The following MAOA variants were observed in gnomAD, a reference collection of about 807,000 sequenced individuals.
MAOA encodes the protein monoamine oxidase A, also known as amine oxidase [flavin-containing] A.
In MAOA, 6 loss-of-function variants were observed where a neutral mutation model predicts 42.0. The ratio of observed to expected loss-of-function variants is 0.14; its 90% CI spans 0.08 to 0.28. MAOA has a LOEUF of 0.28. Among genes scored for constraint, MAOA ranks in the 10% least tolerant of loss-of-function variants. The pLI is 1.00. For synonymous variants in MAOA, 140 were observed against 154.0 expected, an observed-to-expected ratio of 0.91 and a Z score of 0.67; for missense variants, 262 against 422.3, an observed-to-expected ratio of 0.62 and a Z score of 3.33.
chrX:43,727,008 C>T (rs748236523), intron 5 of MAOA, among the ~76,000 whole-genome samples: 8 of 111,941 alleles, frequency 7.1e-5, no homozygotes, highest in African/African-American at 2.6e-4. Context: ...GCAGAGGCTA[C>T]AGAACAGCAA....
chrX:43,710,433 C>T (rs2033691266), intron 3 of MAOA, among the ~76,000 whole-genome samples: 1 of 112,475 alleles, frequency 8.9e-6, no homozygotes, highest in Non-Finnish European at 1.9e-5. Context: ...TGTGCTTACA[C>T]GTGTTTGTGA....
chrX:43,744,317 C>T (rs1388395681), intron 14 of MAOA, 50 bp from the exon 15 acceptor site: 8 of 1,199,593 alleles, frequency 6.7e-6, no homozygotes, highest in African/African-American at 1.7e-5. Context: ...TGTTTTGTTC[C>T]TCCTTGTCAG....
chrX:43,680,140 A>T (rs2033431411), intron 1 of MAOA, among the ~76,000 whole-genome samples: 1 of 112,034 alleles, frequency 8.9e-6, no homozygotes, highest in African/African-American at 3.2e-5. Flanking sequence ...GCACACAAAC[A>T]TTAGCAGATA....
At chrX:43,742,471 A>C (rs1321938856) in intron 12 of MAOA, among the ~76,000 whole-genome samples, 2 of 112,773 alleles carry the variant, frequency 1.8e-5, no homozygotes, top group African/African-American at 3.2e-5. Context: ...CTTCAGGGGA[A>C]GAGTCCTCAC....
At chrX:43,667,176 G>C (rs2033289556) in intron 1 of MAOA, among the ~76,000 whole-genome samples, 1 of 111,044 alleles carries the variant, frequency 9.0e-6, no homozygotes, top group Non-Finnish European at 1.9e-5. Context: ...TCACCTCTCA[G>C]ATGCATTCAC....
At chrX:43,685,328 A>G (rs2033479963) in intron 2 of MAOA, among the ~76,000 whole-genome samples, 1 of 111,942 alleles carries the variant, frequency 8.9e-6, no homozygotes, top group Non-Finnish European at 1.9e-5. Flanking sequence ...TCCTTCGCCA[A>G]AAGACCCCAG....
chrX:43,723,890 G>A (rs1024175034), intron 5 of MAOA, among the ~76,000 whole-genome samples: 3 of 111,699 alleles, frequency 2.7e-5, no homozygotes, highest in African/African-American at 9.8e-5. Flanking sequence ...TTAGCATGAA[G>A]GGCTGTTGAA....
chrX:43,682,372 A>G lies in MAOA; in HGVS notation c.74-1141A>G, dbSNP rs7892282. Reference sequence around the variant, plus strand: ...AGTCGGGAGCATTGTGTAGTACTAGAAAGGAAGGAAGTGTTTAAACACACA... The same window carrying G: ...AGTCGGGAGCATTGTGTAGTACTAGGAAGGAAGGAAGTGTTTAAACACACA... On this transcript the variant is annotated intron_variant, in intron 1 of 14. Coordinates refer to ENST00000338702, the MANE Select transcript of MAOA (RefSeq NM_000240.4). 1.0e-2 allele frequency among the ~76,000 whole-genome samples: 1,108 copies of G among 111,288 alleles called. 16 individuals are homozygous for G. The highest frequency in any genetic ancestry group is 0.033 in the African/African-American group (1,021 of 30,548).
rs768809422 is a variant in MAOA at position 43,717,068 on chromosome X, G to T, written c.503+4272G>T. On this transcript the variant is annotated intron_variant, in intron 5 of 14. Transcript: ENST00000338702. Reference sequence around the variant, plus strand: ...GGTATTTTCCAGGTATGACCCACAAGGTTGGGAGAGTAAGAAAGATGAGTG... The same window carrying T: ...GGTATTTTCCAGGTATGACCCACAATGTTGGGAGAGTAAGAAAGATGAGTG... Among the ~76,000 whole-genome samples the T allele has an allele frequency of 1.0e-3, 114 of 110,634 alleles. 1 individual carries two copies. The highest frequency in any genetic ancestry group is 3.7e-3 in the African/African-American group (111 of 30,349).
intron 1 of MAOA, among the ~76,000 whole-genome samples, chrX:43,672,107 CTT>C (rs2033342264): frequency 9.0e-6 from 1 of 111,569 alleles, no homozygotes; most frequent in Non-Finnish European, 1.9e-5. Context: ...TTTGTATCCT[CTT>C]TTATTTCATT....
At chrX:43,706,650 T>A (rs770897069) in intron 3 of MAOA, among the ~76,000 whole-genome samples, 2 of 109,516 alleles carry the variant, frequency 1.8e-5, no homozygotes, top group African/African-American at 6.7e-5. Context: ...AATAAATAAA[T>A]AAAAATACAA....
At chrX:43,700,407 G>T in intron 3 of MAOA, among the ~76,000 whole-genome samples, 1 of 112,290 alleles carries the variant, frequency 8.9e-6, no homozygotes. Flanking sequence ...TGGAAACAGG[G>T]ACTCCTGTGG....
At chrX:43,699,716 A>G (rs2033608218) in intron 3 of MAOA, among the ~76,000 whole-genome samples, 2 of 110,259 alleles carry the variant, frequency 1.8e-5, no homozygotes, top group African/African-American at 3.3e-5. Flanking sequence ...TATGCCAACG[A>G]CTGAAATCAA....
chrX:43,699,745 A>G (rs1326313027), intron 3 of MAOA, among the ~76,000 whole-genome samples: 5 of 110,516 alleles, frequency 4.5e-5, no homozygotes, highest in African/African-American at 1.3e-4. Flanking sequence ...CACAATGTGT[A>G]TGTTCTGGAA....
chrX:43,664,914 CAGTTATGTA>C (rs1487666672), intron 1 of MAOA, among the ~76,000 whole-genome samples: 1 of 111,539 alleles, frequency 9.0e-6, no homozygotes, highest in Non-Finnish European at 1.9e-5. Context: ...TCCAAATGTG[CAGTTATGTA>C]AGAATTCTTT....
In MAOA at chrX:43,744,734, A is replaced by G. The variant is rs1045257892; in HGVS notation, c.*221A>G. The G allele has an allele frequency of 6.0e-5, 25 of 415,883 alleles. No individual in the cohort carries two copies. Among genetic ancestry groups the G allele is most frequent in the African/African-American group, 5.5e-4 (20 of 36,337 alleles). 34.3% of individuals were successfully genotyped at this position (415,883 alleles called of 1,213,427 possible). ...CTTATTTGTCAGTGTAGATCAACTC[A>G]TGTTAATTGATAGAATAAAGCCTTG... On this transcript the variant is annotated 3_prime_UTR_variant, in exon 15 of 15. Transcript: ENST00000338702.
chrX:43,702,067 T>C (rs998408800), intron 3 of MAOA, among the ~76,000 whole-genome samples: 2 of 112,014 alleles, frequency 1.8e-5, no homozygotes, highest in African/African-American at 6.5e-5. Context: ...TAACGTCCAA[T>C]GAATCCCATA....
intron 1 of MAOA, among the ~76,000 whole-genome samples, chrX:43,682,499 T>C (rs1320787406): frequency 2.7e-5 from 3 of 112,002 alleles, no homozygotes; most frequent in African/African-American, 3.2e-5. Flanking sequence ...AATGACATAG[T>C]GTTGGATTAT....
chrX:43,736,068 G>A (rs1483799442), intron 9 of MAOA, among the ~76,000 whole-genome samples, 159 bp from the exon 10 acceptor site: 2 of 110,508 alleles, frequency 1.8e-5, no homozygotes, highest in Admixed American at 9.6e-5. Context: ...CACACAGGCA[G>A]ACCAAAGACA....
Sources: gnomAD v4.1 joint callset for allele counts (sites outside exome capture counted in the v4.1 genomes callset) on GRCh38, gnomAD v4.1.1 for gene constraint, MANE v1.5 for transcripts, NCBI Gene and HGNC (gene_info 2026-07-23, HGNC 2026-07-21) for gene names.